Variants in NKAIN2 observed in about 807,000 individuals in gnomAD.
The protein encoded by NKAIN2 is sodium/potassium-transporting ATPase subunit beta-1-interacting protein 2.
Under a neutral mutation model 32.6 loss-of-function variants are expected in NKAIN2, and 14 were observed. The observed-to-expected ratio is 0.43, with a 90% CI of 0.28 to 0.67. The LOEUF is 0.67. Ranked by LOEUF, NKAIN2 falls within the 30% of genes least tolerant of loss-of-function variation. The probability of loss-of-function intolerance (pLI) is 0.17; values close to 1 mark genes in which losing one functional copy is unlikely to be tolerated. For missense variants in NKAIN2, 198 were observed against 258.3 expected (o/e 0.77, Z 1.60); for synonymous variants, 80 against 87.2 (o/e 0.92, Z 0.46).
At chr6:124,225,695 GATT>G (rs1792070382) in intron 1 of NKAIN2, among the ~76,000 whole-genome samples, 1 of 151,044 alleles carries the variant, frequency 6.6e-6, no homozygotes, top group Admixed American at 6.6e-5. Context: ...TATTTTTATT[GATT>G]ATTTTCAAAT....
intron 3 of NKAIN2, among the ~76,000 whole-genome samples, chr6:124,365,026 A>G (rs1308432702): frequency 6.6e-6 from 1 of 151,912 alleles, no homozygotes; most frequent in Non-Finnish European, 1.5e-5. Context: ...TAGAGTAACT[A>G]CTAAAAGATG....
intron 3 of NKAIN2, among the ~76,000 whole-genome samples, chr6:124,379,215 A>AGGGAGGGG: frequency 4.7e-4 from 1 of 2,148 alleles, no homozygotes; most frequent in Non-Finnish European, 9.8e-4. Context: ...AAGGGAGGGA[A>AGGGAGGGG]AGGAGGGAAG....
At chr6:123,980,501 C>T (rs1273117893) in intron 1 of NKAIN2, among the ~76,000 whole-genome samples, 1 of 152,140 alleles carries the variant, frequency 6.6e-6, no homozygotes, top group Admixed American at 6.6e-5. Flanking sequence ...GCTGAAACGT[C>T]GTCTTGATTT....
intron 3 of NKAIN2, among the ~76,000 whole-genome samples, chr6:124,647,231 TA>T (rs957266368): frequency 6.6e-6 from 1 of 151,850 alleles, no homozygotes; most frequent in African/African-American, 2.4e-5. Flanking sequence ...GCATCATTTA[TA>T]TTGTATAAAA....
intron 5 of NKAIN2, among the ~76,000 whole-genome samples, chr6:124,806,377 T>C (rs1466102909): frequency 6.6e-6 from 1 of 152,054 alleles, no homozygotes; most frequent in Non-Finnish European, 1.5e-5. Flanking sequence ...GAATTTCATA[T>C]CCAGCCAAAC....
At chr6:124,361,459 A>G (rs1799284756) in intron 3 of NKAIN2, among the ~76,000 whole-genome samples, 1 of 152,152 alleles carries the variant, frequency 6.6e-6, no homozygotes, top group Non-Finnish European at 1.5e-5. Context: ...AAACCAAGGG[A>G]TTATTGTACA....
intron 1 of NKAIN2, among the ~76,000 whole-genome samples, chr6:124,252,664 A>G (rs1793740932): frequency 6.6e-6 from 1 of 152,160 alleles, no homozygotes; most frequent in Non-Finnish European, 1.5e-5. Flanking sequence ...AGTATATTCC[A>G]AATTTATCAG....
chr6:124,334,711 G>GGGAGATCCCAT (rs2115061758), intron 2 of NKAIN2, among the ~76,000 whole-genome samples: 1 of 137,184 alleles, frequency 7.3e-6, no homozygotes, highest in African/African-American at 2.8e-5. Flanking sequence ...GTGATCTTGC[G>GGGAGATCCCAT]GCATCTAGCT....
chr6:123,974,922 G>C (rs553999236), intron 1 of NKAIN2, among the ~76,000 whole-genome samples: 1 of 151,996 alleles, frequency 6.6e-6, no homozygotes, highest in African/African-American at 2.4e-5. Flanking sequence ...TATTTCCAAC[G>C]CTTACAATAA....
At chr6:124,545,852 C>T (rs559283651) in intron 3 of NKAIN2, among the ~76,000 whole-genome samples, 1 of 152,132 alleles carries the variant, frequency 6.6e-6, no homozygotes, top group Admixed American at 6.5e-5. Context: ...ACATTAGTCT[C>T]AGGAATTCTG....
At chr6:124,332,240 CACACACAG>C (rs1472466280) in intron 2 of NKAIN2, among the ~76,000 whole-genome samples, 20 of 151,414 alleles carry the variant, frequency 1.3e-4, no homozygotes, top group African/African-American at 3.9e-4. Context: ...CACACACACA[CACACACAG>C]AGAGAGAGAG....
intron 3 of NKAIN2, among the ~76,000 whole-genome samples, chr6:124,424,462 A>ATTG (rs1435592844): frequency 6.6e-6 from 1 of 151,708 alleles, no homozygotes; most frequent in African/African-American, 2.4e-5. Flanking sequence ...ACAACACAGT[A>ATTG]TTAACTGTAG....
chr6:123,954,285 G>T (rs1248358005), intron 1 of NKAIN2, among the ~76,000 whole-genome samples: 2 of 152,174 alleles, frequency 1.3e-5, no homozygotes, highest in African/African-American at 4.8e-5. Flanking sequence ...TCCCTCTCTG[G>T]AGCAGTGCCT....
intron 1 of NKAIN2, among the ~76,000 whole-genome samples, chr6:124,111,992 T>C (rs1385272281): frequency 1.3e-5 from 2 of 152,158 alleles, no homozygotes; most frequent in Non-Finnish European, 1.5e-5. Flanking sequence ...TTTCAAAATC[T>C]ATTCATATTA....
chr6:123,830,766 A>T (rs529862875), intron 1 of NKAIN2, among the ~76,000 whole-genome samples: 6 of 152,138 alleles, frequency 3.9e-5, no homozygotes, highest in Non-Finnish European at 8.8e-5. Context: ...GTAAGCAGGG[A>T]TTGTGTTTTG....
chr6:124,169,907 A>C lies in NKAIN2; in HGVS notation c.55-113098A>C, dbSNP rs549688261. On this transcript the variant is annotated intron_variant, in intron 1 of 6. Transcript: ENST00000368417. ...TTTTGGGTCAAATGCTCAGCCTTAA[A>C]ATGGTCAGCTTGGGCCGAGGCCTAA... Among the ~76,000 whole-genome samples, 7 of 152,246 alleles carry C rather than the reference A, an allele frequency of 4.6e-5. No individual in the cohort carries two copies. In the South Asian group the frequency reaches 1.5e-3, roughly 32 times the overall value.
intron 1 of NKAIN2, among the ~76,000 whole-genome samples, chr6:124,060,946 G>A (rs1782895155): frequency 6.6e-6 from 1 of 152,056 alleles, no homozygotes; most frequent in Non-Finnish European, 1.5e-5. Context: ...TAAAAAAAGA[G>A]CATTGCTATA....
intron 3 of NKAIN2, among the ~76,000 whole-genome samples, chr6:124,379,587 G>A (rs74630602): frequency 0.03 from 4,586 of 152,194 alleles, 218 homozygotes; most frequent in African/African-American, 0.1. Flanking sequence ...TGGGAAAAAG[G>A]TGGGACAGAG....
intron 1 of NKAIN2, among the ~76,000 whole-genome samples, chr6:124,142,811 TG>T (rs1321479834): frequency 6.6e-6 from 1 of 152,184 alleles, no homozygotes; most frequent in Non-Finnish European, 1.5e-5. Context: ...GTACTATTTT[TG>T]TGTTAGATAT....
Sources: allele counts gnomAD v4.1 joint callset (sites outside exome capture counted in the v4.1 genomes callset), GRCh38; gene constraint gnomAD v4.1.1; transcripts MANE v1.5; gene names NCBI Gene and HGNC (gene_info 2026-07-23, HGNC 2026-07-21).